DLGAP2: variants seen among roughly 807,000 people sequenced by gnomAD.
DLGAP2 encodes the protein disks large-associated protein 2.
DLGAP2 carries 26 observed loss-of-function variants against 100.3 expected under a neutral mutation model. That is an observed-to-expected ratio of 0.26 (90% CI 0.19 to 0.36). The LOEUF is 0.36. Among genes scored for constraint, DLGAP2 ranks in the 10% least tolerant of loss-of-function variants. The pLI is 1.00. For synonymous variants in DLGAP2, 886 were observed against 630.1 expected (o/e 1.41, Z -6.08); for missense variants, 1,858 against 1,453.2 (o/e 1.28, Z -4.53).
At chr8:1,499,474 T>C (rs1799645122) in intron 3 of DLGAP2, among the ~76,000 whole-genome samples, 1 of 152,238 alleles carries the variant, frequency 6.6e-6, no homozygotes, top group Non-Finnish European at 1.5e-5. Context: ...ATGGTCTCCA[T>C]GGAAACTGTA....
intron 3 of DLGAP2, chr8:1,369,325 A>G (rs534270913): frequency 6.6e-6 from 1 of 152,166 alleles, no homozygotes; most frequent in African/African-American, 2.4e-5. Context: ...TGGCTGGCAG[A>G]CGCTGTCTTC....
At chr8:755,326 G>A (rs1303546677) in intron 1 of DLGAP2, among the ~76,000 whole-genome samples, 10 of 152,092 alleles carry the variant, frequency 6.6e-5, no homozygotes, top group Admixed American at 5.2e-4. Context: ...ATACCTAGGC[G>A]TGGGGGCTCT....
At chr8:1,591,165 C>G (rs1302390889) in intron 6 of DLGAP2, among the ~76,000 whole-genome samples, 2 of 152,224 alleles carry the variant, frequency 1.3e-5, no homozygotes, top group Admixed American at 6.5e-5. Context: ...GACCTGATGT[C>G]TTTTAACCTT....
chr8:1,132,733 G>T (rs1796320718), intron 2 of DLGAP2, among the ~76,000 whole-genome samples: 1 of 152,170 alleles, frequency 6.6e-6, no homozygotes, highest in South Asian at 2.1e-4. Context: ...ATTTTTAAAG[G>T]TAGGGTTGCA....
intron 2 of DLGAP2, among the ~76,000 whole-genome samples, chr8:1,195,042 G>A (rs1011214703): frequency 4.6e-5 from 7 of 152,266 alleles, no homozygotes; most frequent in Non-Finnish European, 7.3e-5. Flanking sequence ...CACTTTGTTC[G>A]TTTCAGAGGC....
intron 3 of DLGAP2, chr8:1,381,128 G>A (rs1364336501): frequency 6.6e-6 from 1 of 151,958 alleles, no homozygotes; most frequent in Admixed American, 6.6e-5. Context: ...GTTCGTAACC[G>A]ACGGAAAAGG....
intron 2 of DLGAP2, among the ~76,000 whole-genome samples, chr8:1,130,715 G>A (rs190258738): frequency 7.9e-5 from 12 of 152,326 alleles, no homozygotes; most frequent in African/African-American, 2.4e-4. Flanking sequence ...CAGGCAGGGC[G>A]TCCCAAGACA....
chr8:1,599,473 A>G (rs1395163125), intron 6 of DLGAP2, among the ~76,000 whole-genome samples: 1 of 152,158 alleles, frequency 6.6e-6, no homozygotes, highest in East Asian at 1.9e-4. Flanking sequence ...AAAGTCTCCC[A>G]TTATTATTGT....
At chr8:909,781 G>A (rs1362384887) in intron 2 of DLGAP2, among the ~76,000 whole-genome samples, 1 of 152,182 alleles carries the variant, frequency 6.6e-6, no homozygotes, top group African/African-American at 2.4e-5. Flanking sequence ...TCTTAAAAGT[G>A]TAAGTCCATG....
At chr8:890,716 C>T (rs1200067551) in intron 1 of DLGAP2, among the ~76,000 whole-genome samples, 2 of 152,140 alleles carry the variant, frequency 1.3e-5, no homozygotes, top group South Asian at 2.1e-4. Flanking sequence ...CAATGTTGTC[C>T]TATCACAGAT....
rs1247768880 is a variant in DLGAP2, at chr8:1,501,389, C to A, written c.130C>A (p.Gln44Lys). Residue 44 changes from glutamine (Q) to lysine (K), a missense_variant, in exon 4 of 15, where the codon CAG becomes AAG. Gln to Lys is a moderately conservative substitution (Grantham distance 53, BLOSUM62 1). Transcript: ENST00000637795. ...PEEEEAGDLV[Q>K]PGISFPGPAE... Reference sequence around the variant, plus strand: ...AGAGGAAGAAGCTGGAGACTTGGTCCAGCCGGGCATCAGCTTTCCGGGGCC... The same window carrying A: ...AGAGGAAGAAGCTGGAGACTTGGTCAAGCCGGGCATCAGCTTTCCGGGGCC... 1 of 1,535,790 alleles carries A rather than the reference C, an allele frequency of 6.5e-7. No individual in the cohort carries two copies. The highest frequency in any genetic ancestry group is 8.7e-7 in the Non-Finnish European group (1 of 1,146,712).
At chr8:1,021,513 C>T (rs1161060836) in intron 2 of DLGAP2, among the ~76,000 whole-genome samples, 1 of 152,140 alleles carries the variant, frequency 6.6e-6, no homozygotes, top group Non-Finnish European at 1.5e-5. Flanking sequence ...AGTGATTTCC[C>T]CTAATTATAG....
At chr8:1,046,892 T>C (rs1802531554) in intron 2 of DLGAP2, among the ~76,000 whole-genome samples, 1 of 152,180 alleles carries the variant, frequency 6.6e-6, no homozygotes, top group South Asian at 2.1e-4. Context: ...TTGTCAGTGC[T>C]TGGTAAATGC....
chr8:759,576 C>G (rs898123244), intron 1 of DLGAP2, among the ~76,000 whole-genome samples: 1 of 152,076 alleles, frequency 6.6e-6, no homozygotes, highest in African/African-American at 2.4e-5. Flanking sequence ...CCAGAGTCCA[C>G]GGTTGATGTG....
At chr8:1,341,132 G>A (rs1399913156) in intron 3 of DLGAP2, among the ~76,000 whole-genome samples, 1 of 152,134 alleles carries the variant, frequency 6.6e-6, no homozygotes, top group African/African-American at 2.4e-5. Context: ...CTAATTGATA[G>A]TAGGCTTAAT....
At chr8:1,063,225 A>G (rs1803141681) in intron 2 of DLGAP2, among the ~76,000 whole-genome samples, 1 of 152,252 alleles carries the variant, frequency 6.6e-6, no homozygotes, top group African/African-American at 2.4e-5. Flanking sequence ...CCTCTTCAAA[A>G]GCAGAGATTC....
intron 3 of DLGAP2, among the ~76,000 whole-genome samples, chr8:1,262,098 C>T (rs1402589775): frequency 6.6e-6 from 1 of 152,216 alleles, no homozygotes; most frequent in Non-Finnish European, 1.5e-5. Context: ...GTGAGAGCTA[C>T]TTCTTTGGAT....
intron 1 of DLGAP2, chr8:738,991 G>GCCACGC (rs1292676248): frequency 7.3e-6 from 1 of 136,252 alleles, no homozygotes; most frequent in Non-Finnish European, 1.6e-5. Flanking sequence ...CAGCCCCTGC[G>GCCACGC]CGACGCCGCC....
intron 8 of DLGAP2, among the ~76,000 whole-genome samples, chr8:1,652,009 C>T (rs945601019): frequency 6.6e-6 from 1 of 152,238 alleles, no homozygotes; most frequent in Non-Finnish European, 1.5e-5. Context: ...CTGCAAGCCC[C>T]ACTTGCCCAG....
Sources: gnomAD v4.1 joint callset for allele counts (sites outside exome capture counted in the v4.1 genomes callset) on GRCh38, gnomAD v4.1.1 for gene constraint, MANE v1.5 for transcripts, NCBI Gene and HGNC (gene_info 2026-07-23, HGNC 2026-07-21) for gene names.